KCND3: variants seen among roughly 807,000 people sequenced by gnomAD.
KCND3 encodes the protein potassium voltage-gated channel subfamily D member 3.
KCND3 carries 9 observed loss-of-function variants against 51.1 expected under a neutral mutation model. The ratio of observed to expected loss-of-function variants is 0.18; its 90% CI spans 0.11 to 0.31. KCND3 has a LOEUF of 0.31. Ranked by LOEUF, KCND3 falls within the 10% of genes least tolerant of loss-of-function variation. The pLI, the probability that KCND3 is intolerant of heterozygous loss-of-function variation, is 1.00. For synonymous variants in KCND3, 349 were observed against 368.0 expected (o/e 0.95, Z 0.59); for missense variants, 526 against 903.8 (o/e 0.58, Z 5.36).
intron 2 of KCND3, among the ~76,000 whole-genome samples, chr1:111,801,526 G>C (rs1036123827): frequency 6.6e-6 from 1 of 152,228 alleles, no homozygotes; most frequent in African/African-American, 2.4e-5. Flanking sequence ...GTAGTGACAG[G>C]TGGGAGGTAG....
intron 2 of KCND3, among the ~76,000 whole-genome samples, chr1:111,829,495 G>C (rs756071068): frequency 6.6e-6 from 1 of 152,154 alleles, no homozygotes; most frequent in African/African-American, 2.4e-5. Context: ...GGTTGTTGGT[G>C]TCATTAATTA....
intron 2 of KCND3, among the ~76,000 whole-genome samples, chr1:111,938,559 C>CA (rs1176597287): frequency 6.6e-6 from 1 of 152,116 alleles, no homozygotes; most frequent in African/African-American, 2.4e-5. Context: ...GAGACAGCGG[C>CA]AGTGGGGATG....
chr1:111,829,498 AT>A (rs376561231), intron 2 of KCND3, among the ~76,000 whole-genome samples: 149 of 152,304 alleles, frequency 9.8e-4, no homozygotes, highest in Middle Eastern at 3.4e-3. Context: ...TGTTGGTGTC[AT>A]TAATTAAGTT....
chr1:111,858,404 T>C (rs1668188151), intron 2 of KCND3, among the ~76,000 whole-genome samples: 1 of 152,216 alleles, frequency 6.6e-6, no homozygotes, highest in African/African-American at 2.4e-5. Context: ...TGACTTGACA[T>C]CATGGTTTTG....
At chr1:111,788,810 C>T (rs573382745) in intron 2 of KCND3, among the ~76,000 whole-genome samples, 1 of 152,308 alleles carries the variant, frequency 6.6e-6, no homozygotes, top group Admixed American at 6.5e-5. Context: ...GGGAATGTTA[C>T]TCTGGGCCTT....
chr1:111,959,075 G>T (rs947432375), intron 2 of KCND3, among the ~76,000 whole-genome samples: 1 of 152,190 alleles, frequency 6.6e-6, no homozygotes, highest in East Asian at 1.9e-4. Flanking sequence ...CTGCATAACA[G>T]TTAGGCAGAG....
chr1:111,864,069 G>A (rs1489672711), intron 2 of KCND3, among the ~76,000 whole-genome samples: 3 of 152,058 alleles, frequency 2.0e-5, no homozygotes. Context: ...AGGAGGAGGA[G>A]CAGGGGTTTA....
In KCND3 at chr1:111,775,739, CT is replaced by C; in HGVS notation, c.*337del. ...TCCTCACTGGGGTCTCCAGAAACGACTGTTATTTGGTCTGAGTCTGAGGCTC... is the reference window on the plus strand; with the variant it reads ...TCCTCACTGGGGTCTCCAGAAACGACGTTATTTGGTCTGAGTCTGAGGCTC... On this transcript the variant is annotated 3_prime_UTR_variant, in exon 8 of 8. Coordinates refer to ENST00000302127, the MANE Select transcript of KCND3 (RefSeq NM_001378969.1). 1 of 392,362 alleles carries C rather than the reference CT, an allele frequency of 2.5e-6. No individual in the cohort carries two copies. The highest frequency in any genetic ancestry group is 2.6e-5 in the South Asian group (1 of 39,030). The allele number at this position is 392,362 out of a possible 1,614,324, so 24.3% of individuals were successfully genotyped here. A position where few individuals can be genotyped will look rare whatever the true frequency, so the allele number is the denominator to read the frequency against.
intron 2 of KCND3, among the ~76,000 whole-genome samples, chr1:111,924,976 C>T (rs1219242829): frequency 1.3e-5 from 2 of 152,226 alleles, no homozygotes; most frequent in African/African-American, 4.8e-5. Flanking sequence ...GCCTTTGCTG[C>T]TCTCATCTCC....
In KCND3 at chr1:111,780,710, T is replaced by G; in HGVS notation, c.1351A>C (p.Asn451His). 6 of 1,611,828 alleles carry G rather than the reference T, an allele frequency of 3.7e-6. No individual in the cohort carries two copies. Among genetic ancestry groups the G allele is most frequent in the Non-Finnish European group, 5.1e-6 (6 of 1,179,114 alleles). ...CCTACCGTCAGCTCCAGCGCCTCGT[T>G]GAGGAGCCCGTTGCGCTTGCTGTGC... Reference protein sequence around the residue: ...YLHSKRNGLLNEALELTGTPE... With the variant: ...YLHSKRNGLLHEALELTGTPE... Residue 451 changes from asparagine to histidine, a missense_variant, in exon 4 of 8, where the codon AAC (asparagine) becomes CAC (histidine). Coordinates refer to ENST00000302127, the MANE Select transcript of KCND3 (RefSeq NM_001378969.1). The surrounding 1 kb of genome is among the most constrained non-coding windows in gnomAD (Gnocchi z 4.2).
At chr1:111,939,535 T>G (rs1320135019) in intron 2 of KCND3, among the ~76,000 whole-genome samples, 1 of 152,208 alleles carries the variant, frequency 6.6e-6, no homozygotes, top group East Asian at 1.9e-4. Context: ...TTCATCCATG[T>G]CCCTGCAAAG....
At chr1:111,923,111 G>C (rs1000855682) in intron 2 of KCND3, among the ~76,000 whole-genome samples, 1 of 152,202 alleles carries the variant, frequency 6.6e-6, no homozygotes, top group African/African-American at 2.4e-5. Context: ...CCAGCAAAAT[G>C]AAGGGGTTGG....
Position 111,807,416 on chromosome 1 carries a change from G to A in KCND3, c.1107-20310C>T, listed in dbSNP as rs187930202. 2.0e-4 allele frequency among the ~76,000 whole-genome samples: 30 copies of A among 152,322 alleles called. 1 individual carries two copies. In the East Asian group the frequency reaches 5.0e-3, roughly 25 times the overall value. On this transcript the variant is annotated intron_variant, in intron 2 of 7. Transcript: ENST00000302127. ...GCTATGGCCAGGAGTGGTGGCTCAC[G>A]CCTGTAATCCCAGCACTTTGGGAGG...
intron 2 of KCND3, among the ~76,000 whole-genome samples, chr1:111,862,580 C>A (rs189416182): frequency 1.3e-5 from 2 of 152,222 alleles, no homozygotes; most frequent in Admixed American, 1.3e-4. Flanking sequence ...CTCACAATAC[C>A]CTTTAATCAG....
At chr1:111,810,653 G>C (rs1665804187) in intron 2 of KCND3, among the ~76,000 whole-genome samples, 1 of 152,224 alleles carries the variant, frequency 6.6e-6, no homozygotes, top group South Asian at 2.1e-4. Context: ...CTTTCTTGTA[G>C]ACGTCTCTGT....
intron 2 of KCND3, among the ~76,000 whole-genome samples, chr1:111,919,785 T>C (rs1364792447): frequency 6.6e-6 from 1 of 152,176 alleles, no homozygotes; most frequent in Non-Finnish European, 1.5e-5. Context: ...TAACCTCACC[T>C]AAAGCTGGAA....
chr1:111,956,422 A>G (rs1383390503), intron 2 of KCND3, among the ~76,000 whole-genome samples: 1 of 152,208 alleles, frequency 6.6e-6, no homozygotes, highest in Non-Finnish European at 1.5e-5. Context: ...ATCTTCGGCA[A>G]GCATGGTATT....
intron 3 of KCND3, among the ~76,000 whole-genome samples, chr1:111,783,434 G>A (rs1664474426): frequency 6.6e-6 from 1 of 152,186 alleles, no homozygotes; most frequent in Admixed American, 6.5e-5. Context: ...GAGGAGAGGG[G>A]ATCTGGAAGG....
intron 2 of KCND3, among the ~76,000 whole-genome samples, chr1:111,817,918 A>G (rs537786768): frequency 6.6e-6 from 1 of 152,350 alleles, no homozygotes; most frequent in African/African-American, 2.4e-5. Context: ...TGCCTTTTAT[A>G]CCACAAAATC....
Sources: allele counts gnomAD v4.1 joint callset (sites outside exome capture counted in the v4.1 genomes callset), GRCh38; gene constraint gnomAD v4.1.1; non-coding constraint Gnocchi (gnomAD v3.1); transcripts MANE v1.5; gene names NCBI Gene and HGNC (gene_info 2026-07-23, HGNC 2026-07-21).